Variants in GEMIN5 observed in about 807,000 individuals in gnomAD.
GEMIN5 encodes gem nuclear organelle associated protein 5.
Under a neutral mutation model 176.9 loss-of-function variants are expected in GEMIN5, and 124 were observed. That is an observed-to-expected ratio of 0.70 (90% CI 0.61 to 0.81). The LOEUF (loss-of-function observed/expected upper bound fraction) is 0.81. Ranked by LOEUF, GEMIN5 falls within the 40% of genes least tolerant of loss-of-function variation. The probability of loss-of-function intolerance (pLI) is 0.00; values close to 1 mark genes in which losing one functional copy is unlikely to be tolerated. For missense variants in GEMIN5, 1,843 were observed against 1,814.6 expected (o/e 1.02, Z -0.28); for synonymous variants, 673 against 665.2 (o/e 1.01, Z -0.18).
intron 14 of GEMIN5, among the ~76,000 whole-genome samples, chr5:154,912,426 T>G (rs751366230): frequency 6.6e-6 from 1 of 152,226 alleles, no homozygotes; most frequent in Non-Finnish European, 1.5e-5. Context: ...ACATCACAGA[T>G]GTTAAGTCCC....
chr5:154,899,069 T>A (rs1192017706), intron 22 of GEMIN5, 122 bp downstream of exon 22: 1 of 922,106 alleles, frequency 1.1e-6, no homozygotes, highest in East Asian at 2.5e-5. Context: ...AATATACATA[T>A]CTTTTAAATA....
Position 154,937,191 on chromosome 5 carries a change from A to C in GEMIN5, c.167-6T>G. On this transcript the variant is annotated splice_region_variant and splice_polypyrimidine_tract_variant and intron_variant, in intron 1 of 27. Coordinates refer to ENST00000285873, the MANE Select transcript of GEMIN5 (RefSeq NM_015465.5). ...TCCCACCAACTCTCCTATGACTTTAAGCAAAACCAGACGCTAGGTTAATCG... is the reference window on the plus strand; with the variant it reads ...TCCCACCAACTCTCCTATGACTTTACGCAAAACCAGACGCTAGGTTAATCG... 3 of 1,594,246 alleles carry C rather than the reference A, an allele frequency of 1.9e-6. No individual in the cohort carries two copies. The highest frequency in any genetic ancestry group is 2.6e-6 in the Non-Finnish European group (3 of 1,167,406).
chr5:154,934,821 T>G (rs750616919), intron 3 of GEMIN5, among the ~76,000 whole-genome samples: 31 of 152,218 alleles, frequency 2.0e-4, no homozygotes, highest in Non-Finnish European at 4.0e-4. Context: ...ACATTCGTTT[T>G]CCTATTCTCT....
At position 154,937,063 on chromosome 5, in the gene GEMIN5, C is replaced by G; in HGVS notation, c.289G>C (p.Glu97Gln). Residue 97 changes from glutamate to glutamine, a missense_variant, in exon 2 of 28, where the codon GAG (glutamate) becomes CAG (glutamine). Physicochemically the swap from Glu to Gln is conservative, Grantham distance 29. Transcript: ENST00000285873. Reference protein sequence around the residue: ...DDGTVKIWDVETKTVVTEHAL... With the variant: ...DDGTVKIWDVQTKTVVTEHAL... ...TGTTCTGTCACAACTGTTTTTGTCT[C>G]TACATCCCATATTTTCACAGTCCCA... 4 of 1,613,990 alleles carry G rather than the reference C, an allele frequency of 2.5e-6. No homozygotes were observed. Among genetic ancestry groups the G allele is most frequent in the Non-Finnish European group, 3.4e-6 (4 of 1,179,900 alleles).
intron 7 of GEMIN5, among the ~76,000 whole-genome samples, chr5:154,926,940 C>T (rs1764051802): frequency 1.3e-5 from 2 of 152,020 alleles, no homozygotes; most frequent in South Asian, 4.2e-4. Context: ...GTCCTAGCTA[C>T]TCGAGAGGCT....
intron 21 of GEMIN5, among the ~76,000 whole-genome samples, chr5:154,900,714 T>C (rs1045653894): frequency 1.3e-5 from 2 of 152,310 alleles, no homozygotes; most frequent in East Asian, 3.9e-4. Flanking sequence ...CATTGAGTCT[T>C]TGGCTAAATT....
chr5:154,898,966 TAATCTG>T, intron 22 of GEMIN5, among the ~76,000 whole-genome samples: 1 of 152,200 alleles, frequency 6.6e-6, no homozygotes, highest in Non-Finnish European at 1.5e-5. Context: ...CATAATTTCT[TAATCTG>T]CTGCTGAGGT....
At position 154,892,435 on chromosome 5, in the gene GEMIN5, C is replaced by T; in HGVS notation, c.3712G>A (p.Gly1238Arg). Reference sequence around the variant, plus strand: ...ACTTCCTGCATGATGGTGAAGCTCCCTGAGTCATAGCTCCGGACCACCGCC... The same window carrying T: ...ACTTCCTGCATGATGGTGAAGCTCCTTGAGTCATAGCTCCGGACCACCGCC... The part of the protein sequence containing the change: ...LRAVVRSYDS[G>R]SFTIMQEVYS... Residue 1238 changes from glycine to arginine, a missense_variant, in exon 25 of 28, where the codon GGG (glycine) becomes AGG (arginine). Transcript: ENST00000285873. The T allele has an allele frequency of 6.2e-7, 1 of 1,614,146 alleles. No individual in the cohort carries two copies. Among genetic ancestry groups the T allele is most frequent in the Non-Finnish European group, 8.5e-7 (1 of 1,180,018 alleles).
chr5:154,936,937 C>T, intron 2 of GEMIN5, 88 bp downstream of exon 2: 2 of 996,050 alleles, frequency 2.0e-6, no homozygotes, highest in East Asian at 4.9e-5. Flanking sequence ...TTACTTTGCA[C>T]AGATGAGCTA....
chr5:154,936,889 A>G (rs1192283597), intron 2 of GEMIN5, 136 bp downstream of exon 2: 3 of 697,292 alleles, frequency 4.3e-6, no homozygotes, highest in South Asian at 2.3e-5. Context: ...ACATCTTACA[A>G]TATAGTTTCT....
At chr5:154,918,763 G>A (rs1265229422) in intron 11 of GEMIN5, among the ~76,000 whole-genome samples, 1 of 152,196 alleles carries the variant, frequency 6.6e-6, no homozygotes, top group Admixed American at 6.5e-5. Flanking sequence ...GCTCATTTGG[G>A]CTGGGCATGG....
chr5:154,922,092 C>T (rs1275899466), intron 9 of GEMIN5, among the ~76,000 whole-genome samples: 1 of 152,190 alleles, frequency 6.6e-6, no homozygotes, highest in African/African-American at 2.4e-5. Context: ...AGTGATCAAT[C>T]TAGAGAATAA....
At chr5:154,889,542 A>G (rs1372409735) in intron 26 of GEMIN5, 125 bp from the exon 27 acceptor site, 1 of 531,440 alleles carries the variant, frequency 1.9e-6, no homozygotes, top group African/African-American at 1.9e-5. Context: ...ATTTAAAAAT[A>G]CATAGTTCAG....
intron 18 of GEMIN5, among the ~76,000 whole-genome samples, chr5:154,903,425 G>T (rs1028491703): frequency 6.6e-6 from 1 of 151,988 alleles, no homozygotes; most frequent in African/African-American, 2.4e-5. Context: ...ATAAGCAAAA[G>T]AAAGTCCTTA....
Position 154,928,666 on chromosome 5 carries a change from A to G in GEMIN5, c.782-7T>C. ...AATTTCAAAATCATCACCCCTGCAGATTAAAAAGAAGGCCAGTGGGCACTC... is the reference window on the plus strand; with the variant it reads ...AATTTCAAAATCATCACCCCTGCAGGTTAAAAAGAAGGCCAGTGGGCACTC... On this transcript the variant is annotated splice_region_variant and splice_polypyrimidine_tract_variant and intron_variant, in intron 5 of 27. Transcript: ENST00000285873. 6.2e-7 allele frequency: 1 copy of G among 1,613,618 alleles called. No homozygotes were observed. The highest frequency in any genetic ancestry group is 8.5e-7 in the Non-Finnish European group (1 of 1,179,738).
Position 154,899,232 on chromosome 5 carries a change from G to A in GEMIN5, c.3093C>T (p.Thr1031=), listed in dbSNP as rs1485608255. ...VLKDLYLSWG[T]VLERDGHYAV... ...CATAGTGGCCATCTCTTTCTAGGAC[G>A]GTTCCCCAGCTGAGGTACAAGTCCT... Residue 1031 remains threonine (T), a synonymous_variant, in exon 22 of 28, where the codon ACC becomes ACT. Transcript: ENST00000285873. 8 of 1,613,336 alleles carry A rather than the reference G, an allele frequency of 5.0e-6. No homozygotes were observed. Among genetic ancestry groups the A allele is most frequent in the South Asian group, 2.2e-5 (2 of 90,798 alleles).
Position 154,896,298 on chromosome 5 carries a change from G to C in GEMIN5, c.3391C>G (p.Leu1131Val). 4 of 1,611,464 alleles carry C rather than the reference G, an allele frequency of 2.5e-6. No individual in the cohort carries two copies. The highest frequency in any genetic ancestry group is 3.4e-6 in the Non-Finnish European group (4 of 1,179,096). ...FCLLELLSRH[L>V]EEKQLSEGKS... ...CCCTCTGAAAGCTGCTTTTCCTCCAGATGCCTGGACAGTAGCTCCAGAAGG... is the reference window on the plus strand; with the variant it reads ...CCCTCTGAAAGCTGCTTTTCCTCCACATGCCTGGACAGTAGCTCCAGAAGG... The change falls in exon 24 of 28, where the codon CTG becomes GTG. Residue 1131 changes from leucine (L) to valine (V), a missense_variant. By Grantham distance (32) the Leu-to-Val change is conservative. Transcript: ENST00000285873.
chr5:154,912,026 AT>A, intron 14 of GEMIN5, 128 bp from the exon 15 acceptor site: 1 of 821,370 alleles, frequency 1.2e-6, no homozygotes, highest in Non-Finnish European at 1.9e-6. Context: ...TCCTCAGGTG[AT>A]TTAGAGTTTT....
At position 154,936,105 on chromosome 5, in the gene GEMIN5, C is replaced by G. The variant is rs1247179767; in HGVS notation, c.328-83G>C. 5 of 837,290 alleles carry G rather than the reference C, an allele frequency of 6.0e-6. No individual in the cohort carries two copies. The South Asian group carries it at 6.9e-5, about 12-fold the overall frequency. 51.9% of individuals were successfully genotyped at this position (837,290 alleles called of 1,614,324 possible). The stretch of plus-strand genomic sequence containing the variant: ...ACTTGTATCACAAACCAGCATAATG[C>G]TACATATACACATTAAAAGTAATTA... On this transcript the variant is annotated intron_variant, in intron 2 of 27. Transcript: ENST00000285873.
Sources: gnomAD v4.1 joint callset for allele counts (sites outside exome capture counted in the v4.1 genomes callset) on GRCh38, gnomAD v4.1.1 for gene constraint, MANE v1.5 for transcripts, NCBI Gene and HGNC (gene_info 2026-07-23, HGNC 2026-07-21) for gene names.